DOCK1: variants seen among roughly 807,000 people sequenced by gnomAD.
The protein encoded by DOCK1 is dedicator of cytokinesis 1, also known as dedicator of cytokinesis protein 1.
DOCK1 carries 138 observed loss-of-function variants against 262.7 expected under a neutral mutation model. That is an observed-to-expected ratio of 0.53 (90% CI 0.46 to 0.61). The LOEUF is 0.61. DOCK1 is among the 20% of genes least tolerant of loss of function. The pLI is 0.00. For missense variants in DOCK1, 1,908 were observed against 2,370.7 expected, an observed-to-expected ratio of 0.80 and a Z score of 4.05; for synonymous variants, 866 against 867.4, an observed-to-expected ratio of 1.00 and a Z score of 0.03.
chr10:127,436,466 C>T (rs985816546), intron 48 of DOCK1, among the ~76,000 whole-genome samples: 1 of 152,198 alleles, frequency 6.6e-6, no homozygotes, highest in African/African-American at 2.4e-5. Flanking sequence ...CTGTAGTGAG[C>T]CATGATTGAA....
chr10:127,104,164 C>G, intron 23 of DOCK1, among the ~76,000 whole-genome samples: 1 of 152,134 alleles, frequency 6.6e-6, no homozygotes, highest in Non-Finnish European at 1.5e-5. Flanking sequence ...TTTGTGTATT[C>G]TGTGTACTAA....
chr10:127,090,676 T>C (rs999358318), intron 23 of DOCK1, among the ~76,000 whole-genome samples: 5 of 152,198 alleles, frequency 3.3e-5, no homozygotes, highest in African/African-American at 4.8e-5. Flanking sequence ...TCACACTGCC[T>C]GGCAACCACG....
At chr10:126,915,672 C>T (rs540374344) in intron 1 of DOCK1, among the ~76,000 whole-genome samples, 20 of 152,258 alleles carry the variant, frequency 1.3e-4, no homozygotes, top group African/African-American at 4.8e-4. Context: ...AGGATGGTCT[C>T]GATCTCCTGA....
At chr10:127,369,940 A>G (rs962680466) in intron 33 of DOCK1, among the ~76,000 whole-genome samples, 3 of 152,202 alleles carry the variant, frequency 2.0e-5, no homozygotes, top group African/African-American at 7.2e-5. Context: ...GGATGTCAGC[A>G]TGGGCGCCTA....
At chr10:127,197,959 T>C (rs994600602) in intron 27 of DOCK1, among the ~76,000 whole-genome samples, 6 of 152,210 alleles carry the variant, frequency 3.9e-5, no homozygotes, top group African/African-American at 7.2e-5. Flanking sequence ...TGGTATACAA[T>C]TTTGCCAGCC....
chr10:127,415,056 T>A, intron 43 of DOCK1, 96 bp from the exon 44 acceptor site: 1 of 1,156,256 alleles, frequency 8.6e-7, no homozygotes, highest in South Asian at 1.5e-5. Flanking sequence ...AGGACCTGAC[T>A]CCTTTGGAGT....
intron 23 of DOCK1, among the ~76,000 whole-genome samples, chr10:127,081,370 CTTT>C (rs11298794): frequency 2.1e-5 from 3 of 140,862 alleles, no homozygotes; most frequent in African/African-American, 2.6e-5. Context: ...GTATGTGGGG[CTTT>C]TTTTTTTTTT....
chr10:127,402,281 G>A (rs1253148103), intron 38 of DOCK1, among the ~76,000 whole-genome samples: 2 of 152,138 alleles, frequency 1.3e-5, no homozygotes, highest in Non-Finnish European at 2.9e-5. Flanking sequence ...AGGAGAGTGG[G>A]CGGCAGCTAG....
chr10:126,958,639 C>G (rs989456073), intron 1 of DOCK1, among the ~76,000 whole-genome samples: 1 of 152,062 alleles, frequency 6.6e-6, no homozygotes, highest in Non-Finnish European at 1.5e-5. Flanking sequence ...GTCCTTTGGG[C>G]ACCTGGGTAT....
chr10:127,363,929 G>A (rs927535659), intron 33 of DOCK1, among the ~76,000 whole-genome samples: 1 of 152,224 alleles, frequency 6.6e-6, no homozygotes, highest in African/African-American at 2.4e-5. Context: ...ATTCAAGCTT[G>A]TAACATTGGC....
chr10:127,240,852 C>G (rs1447111619), intron 27 of DOCK1, among the ~76,000 whole-genome samples: 1 of 152,076 alleles, frequency 6.6e-6, no homozygotes, highest in Non-Finnish European at 1.5e-5. Flanking sequence ...AACAATGTTA[C>G]AAGGATTATA....
Position 127,410,826 on chromosome 10 carries a change from C to T in DOCK1, c.4344-14C>T. 1 of 1,612,630 alleles carries T rather than the reference C, an allele frequency of 6.2e-7. No homozygotes were observed. The highest frequency in any genetic ancestry group is 1.3e-5 in the African/African-American group (1 of 75,046). ...CCGGGTTAAATATCTAATGATCTGTCTGTCTCTGTACAGTTTTTACAGGGT... is the reference window on the plus strand; with the variant it reads ...CCGGGTTAAATATCTAATGATCTGTTTGTCTCTGTACAGTTTTTACAGGGT... On this transcript the variant is annotated splice_polypyrimidine_tract_variant and intron_variant, in intron 42 of 51. Transcript: ENST00000623213.
chr10:127,165,828 G>A (rs2054019237), intron 27 of DOCK1, among the ~76,000 whole-genome samples: 1 of 152,216 alleles, frequency 6.6e-6, no homozygotes, highest in Admixed American at 6.5e-5. Flanking sequence ...TCACAGAGAG[G>A]ATTCCTGTTA....
At chr10:127,049,800 A>G (rs2044592462) in intron 21 of DOCK1, among the ~76,000 whole-genome samples, 1 of 152,108 alleles carries the variant, frequency 6.6e-6, no homozygotes, top group South Asian at 2.1e-4. Flanking sequence ...GAAGATCAAA[A>G]TTTCAAGATT....
chr10:127,445,768 T>C (rs1053868307), intron 50 of DOCK1, among the ~76,000 whole-genome samples: 2 of 152,206 alleles, frequency 1.3e-5, no homozygotes, highest in African/African-American at 2.4e-5. Context: ...CATCAACTGA[T>C]GGCCAGATTA....
intron 27 of DOCK1, among the ~76,000 whole-genome samples, chr10:127,244,461 T>C (rs2134736000): frequency 6.6e-6 from 1 of 152,318 alleles, no homozygotes; most frequent in Non-Finnish European, 1.5e-5. Context: ...TTCAAACCTA[T>C]CTCCAAATCA....
intron 28 of DOCK1, among the ~76,000 whole-genome samples, chr10:127,249,374 C>G (rs2059539802): frequency 7.3e-6 from 1 of 137,678 alleles, no homozygotes; most frequent in South Asian, 2.5e-4. Context: ...CATATATATA[C>G]ACATATGTAC....
intron 29 of DOCK1, among the ~76,000 whole-genome samples, chr10:127,297,753 C>T (rs2061550567): frequency 6.6e-6 from 1 of 152,068 alleles, no homozygotes; most frequent in Non-Finnish European, 1.5e-5. Context: ...GCATGGGAAG[C>T]CCTTGTGATG....
Position 127,437,359 on chromosome 10 carries a change from CA to C in DOCK1, c.5061-1667del, listed in dbSNP as rs2069759368. On this transcript the variant is annotated intron_variant, in intron 48 of 51. Transcript: ENST00000623213. This position sits in a 1 kb window ranked among gnomAD's most constrained non-coding sequence, Gnocchi z 4.4. ...TCTGCATCTTCAGCAGATTTAAGCG[CA>C]GTTTTGCAAATGATCCTTCCCTTCC... is the stretch of plus-strand genomic sequence containing the variant. 6.6e-6 allele frequency among the ~76,000 whole-genome samples: 1 copy of C among 152,186 alleles called. No individual in the cohort carries two copies. The highest frequency in any genetic ancestry group is 2.1e-4 in the South Asian group (1 of 4,826).
Sources: gnomAD v4.1 joint callset for allele counts (sites outside exome capture counted in the v4.1 genomes callset) on GRCh38, gnomAD v4.1.1 for gene constraint, Gnocchi (gnomAD v3.1) non-coding constraint, MANE v1.5 for transcripts, NCBI Gene and HGNC (gene_info 2026-07-23, HGNC 2026-07-21) for gene names.